Variants in DGKB observed in about 807,000 individuals in gnomAD.
DGKB encodes 90 kDa diacylglycerol kinase.
In DGKB, 67 loss-of-function variants were observed where a neutral mutation model predicts 114.3. The ratio of observed to expected loss-of-function variants is 0.59; its 90% confidence interval spans 0.48 to 0.72. The LOEUF is 0.72. Among genes scored for constraint, DGKB ranks in the 30% least tolerant of loss-of-function variants. The probability of loss-of-function intolerance (pLI) is 0.00; values close to 1 mark genes in which losing one functional copy is unlikely to be tolerated. For synonymous variants in DGKB, 398 were observed against 323.1 expected (o/e 1.23, Z -2.49); for missense variants, 907 against 975.2 (o/e 0.93, Z 0.93).
chr7:14,947,174 A>G (rs919486136), intron 1 of DGKB, among the ~76,000 whole-genome samples: 2 of 151,704 alleles, frequency 1.3e-5, no homozygotes, highest in Admixed American at 1.3e-4. Context: ...TTATTTTACT[A>G]AGTATCTTTA....
intron 1 of DGKB, among the ~76,000 whole-genome samples, chr7:14,926,201 A>C (rs1424029024): frequency 6.6e-6 from 1 of 151,534 alleles, no homozygotes; most frequent in Non-Finnish European, 1.5e-5. Flanking sequence ...CATTTTTTTC[A>C]CTTGTTTTAA....
At chr7:14,456,233 A>G (rs1832267108) in intron 21 of DGKB, among the ~76,000 whole-genome samples, 1 of 152,054 alleles carries the variant, frequency 6.6e-6, no homozygotes, top group Non-Finnish European at 1.5e-5. Context: ...ATACCTCATT[A>G]TGTATATGGA....
At chr7:14,586,110 C>T (rs1229797456) in intron 17 of DGKB, among the ~76,000 whole-genome samples, 1 of 152,090 alleles carries the variant, frequency 6.6e-6, no homozygotes. Context: ...GTGAGTAAAG[C>T]ATGTCAAAAG....
At chr7:14,674,860 G>A (rs73272114) in intron 12 of DGKB, among the ~76,000 whole-genome samples, 6,267 of 152,138 alleles carry the variant, frequency 0.041, 360 homozygotes, top group African/African-American at 0.11. Context: ...AGGATGACCT[G>A]CTGACATTTG....
intron 9 of DGKB, among the ~76,000 whole-genome samples, chr7:14,691,918 A>C (rs1585697184): frequency 6.6e-6 from 1 of 152,078 alleles, no homozygotes. Flanking sequence ...CCTTTTACTA[A>C]AAACATAAAA....
At chr7:14,582,113 G>A (rs1004331847) in intron 18 of DGKB, among the ~76,000 whole-genome samples, 1 of 152,146 alleles carries the variant, frequency 6.6e-6, no homozygotes, top group Non-Finnish European at 1.5e-5. Flanking sequence ...AATTTATACA[G>A]AAGGTAAAAC....
intron 2 of DGKB, among the ~76,000 whole-genome samples, chr7:14,805,031 G>A (rs1433611600): frequency 6.6e-6 from 1 of 151,844 alleles, no homozygotes; most frequent in Non-Finnish European, 1.5e-5. Context: ...TAGTTATTGT[G>A]CTTTGATGTT....
At chr7:14,614,532 T>C (rs1806178240) in intron 15 of DGKB, among the ~76,000 whole-genome samples, 2 of 152,152 alleles carry the variant, frequency 1.3e-5, no homozygotes, top group Non-Finnish European at 1.5e-5. Flanking sequence ...GAAAGTAGTC[T>C]TAAATGTTTA....
intron 1 of DGKB, among the ~76,000 whole-genome samples, chr7:14,969,752 G>A (rs1251481053): frequency 6.6e-6 from 1 of 152,098 alleles, no homozygotes; most frequent in Admixed American, 6.6e-5. Flanking sequence ...TTGGACCATT[G>A]GTCTACTACA....
chr7:14,724,183 AG>A (rs753699641), intron 5 of DGKB, among the ~76,000 whole-genome samples: 4 of 152,212 alleles, frequency 2.6e-5, no homozygotes, highest in Non-Finnish European at 5.9e-5. Context: ...GAAACGTATC[AG>A]ATTTATTTAT....
At chr7:14,729,340 T>A (rs896916795) in intron 5 of DGKB, among the ~76,000 whole-genome samples, 6 of 151,950 alleles carry the variant, frequency 3.9e-5, no homozygotes, top group Non-Finnish European at 8.8e-5. Context: ...GCCAGGATGG[T>A]CTCGATCTCC....
At chr7:14,323,356 T>C (rs1302705798) in intron 23 of DGKB, among the ~76,000 whole-genome samples, 1 of 152,158 alleles carries the variant, frequency 6.6e-6, no homozygotes, top group Admixed American at 6.6e-5. Flanking sequence ...CATAGGTGTA[T>C]TGACTATCAA....
chr7:14,181,493 C>T lies in DGKB; in HGVS notation c.2123-3342G>A, dbSNP rs546170662. ...GCCACAATCCATTGGTTATTTATCA[C>T]GGAACACCAAAAGTTTCCAAATAAT... On this transcript the variant is annotated intron_variant, in intron 23 of 25. Coordinates refer to ENST00000402815, the MANE Select transcript of DGKB (RefSeq NM_001350709.2). Among the ~76,000 whole-genome samples, 40 of 152,276 alleles carry T rather than the reference C, an allele frequency of 2.6e-4. No individual in the cohort carries two copies. The South Asian group carries it at 4.6e-3, about 17-fold the overall frequency.
In DGKB at chr7:14,201,137, G is replaced by A. The variant is rs75195411; in HGVS notation, c.2123-22986C>T. 2.7e-3 allele frequency among the ~76,000 whole-genome samples: 415 copies of A among 152,048 alleles called. 14 individuals are homozygous for A. The East Asian group carries it at 0.067, about 25-fold the overall frequency. ...AATCCAACATCAAGGCACTAGCAGC[G>A]TCTGGTGAGGGCCTGTTTCCTAGAT... On this transcript the variant is annotated intron_variant, in intron 23 of 25. Transcript: ENST00000402815.
intron 23 of DGKB, among the ~76,000 whole-genome samples, chr7:14,234,728 T>A (rs2128348831): frequency 6.6e-6 from 1 of 152,108 alleles, no homozygotes; most frequent in East Asian, 1.9e-4. Context: ...AGCAGTAAAA[T>A]CTCATGGAAC....
intron 1 of DGKB, among the ~76,000 whole-genome samples, chr7:14,955,090 A>C (rs1194018232): frequency 6.6e-6 from 1 of 152,036 alleles, no homozygotes; most frequent in Admixed American, 6.6e-5. Flanking sequence ...AAGCAAATAA[A>C]GTTTCTGGAA....
At chr7:14,776,189 A>G (rs1838148824) in intron 2 of DGKB, among the ~76,000 whole-genome samples, 1 of 152,204 alleles carries the variant, frequency 6.6e-6, no homozygotes, top group Non-Finnish European at 1.5e-5. Context: ...TATCTGATGG[A>G]AAAAATTTCT....
At chr7:14,904,687 C>T (rs999303880), upstream of DGKB, among the ~76,000 whole-genome samples, 10 of 152,164 alleles carry the variant, frequency 6.6e-5, no homozygotes, top group South Asian at 2.1e-4. Context: ...ACCTTAAATG[C>T]GAATAGCATC....
chr7:14,903,403 C>G (rs1783439375), upstream of DGKB: 1 of 152,218 alleles, frequency 6.6e-6, no homozygotes, highest in South Asian at 2.1e-4. Flanking sequence ...AACTGCTGGT[C>G]CAGTTATAAG....
Sources: allele counts gnomAD v4.1 joint callset (sites outside exome capture counted in the v4.1 genomes callset), GRCh38; gene constraint gnomAD v4.1.1; transcripts MANE v1.5; gene names NCBI Gene and HGNC (gene_info 2026-07-23, HGNC 2026-07-21).